The following ACSL1 variants were observed in gnomAD, a reference collection of about 807,000 sequenced individuals.
ACSL1 encodes acyl-CoA synthetase long chain family member 1.
In ACSL1, 41 loss-of-function variants were observed where a neutral mutation model predicts 98.4. The observed-to-expected ratio is 0.42, with a 90% CI of 0.32 to 0.54. The LOEUF is 0.54. Ranked by LOEUF, ACSL1 falls within the 20% of genes least tolerant of loss-of-function variation. The pLI is 0.13. For missense variants in ACSL1, 734 were observed against 883.1 expected (o/e 0.83, Z 2.14); for synonymous variants, 316 against 322.7 (o/e 0.98, Z 0.22).
intron 1 of ACSL1, among the ~76,000 whole-genome samples, chr4:184,817,556 T>C (rs1772736346): frequency 1.3e-5 from 2 of 152,276 alleles, no homozygotes; most frequent in Non-Finnish European, 2.9e-5. Flanking sequence ...TTGCCTGCCT[T>C]GTGTCTCCAT....
rs1031146052 is a variant in ACSL1, at chr4:184,803,569, C to T, written c.-32-23G>A. ...ATTCTGTTGGGAGAGAAAAATGTCA[C>T]GTTCGTTCCAGGGAAGCAGGACCCC... On this transcript the variant is annotated intron_variant, in intron 1 of 20. Coordinates refer to ENST00000281455, the MANE Select transcript of ACSL1 (RefSeq NM_001995.5). The surrounding 1 kb of genome is among the most constrained non-coding windows in gnomAD (Gnocchi z 4.8). The T allele has an allele frequency of 1.9e-5, 27 of 1,397,090 alleles. No individual in the cohort carries two copies. The highest frequency in any genetic ancestry group is 1.0e-4 in the African/African-American group (7 of 68,602). The allele number at this position is 1,397,090 out of a possible 1,614,324, so 86.5% of individuals were successfully genotyped here. A position where few individuals can be genotyped will look rare whatever the true frequency, so the allele number is the denominator to read the frequency against.
chr4:184,801,565 G>C lies in ACSL1; in HGVS notation c.195+1755C>G, dbSNP rs182706225. ...ACAGGATGATGCTAGCTATATCAAAGCATCTGTAATTATTAAGCACCAGAA... is the reference window on the plus strand; with the variant it reads ...ACAGGATGATGCTAGCTATATCAAACCATCTGTAATTATTAAGCACCAGAA... On this transcript the variant is annotated intron_variant, in intron 2 of 20. Coordinates refer to ENST00000281455, the MANE Select transcript of ACSL1 (RefSeq NM_001995.5). 4.6e-5 allele frequency among the ~76,000 whole-genome samples: 7 copies of C among 152,254 alleles called. No individual in the cohort carries two copies. The East Asian group carries it at 7.7e-4, about 17-fold the overall frequency.
chr4:184,809,027 G>A lies in ACSL1; in HGVS notation c.-32-5481C>T, dbSNP rs557363177. 2.3e-4 allele frequency among the ~76,000 whole-genome samples: 35 copies of A among 152,200 alleles called. No homozygotes were observed. In the South Asian group the frequency reaches 6.8e-3, roughly 30 times the overall value. ...CAGTTATTCCCACCCACTGCCTTGT[G>A]GCTTTTTCTTCCCAATTAAGTATAA... On this transcript the variant is annotated intron_variant, in intron 1 of 20. Transcript: ENST00000281455.
At chr4:184,758,263 A>T (rs989641608) in intron 18 of ACSL1, 9 of 183,288 alleles carry the variant, frequency 4.9e-5, no homozygotes, top group East Asian at 4.4e-4. Flanking sequence ...AACTGCTTTT[A>T]AAAAAAAAAG....
At chr4:184,824,187 G>A (rs773007118) in intron 1 of ACSL1, among the ~76,000 whole-genome samples, 5 of 152,124 alleles carry the variant, frequency 3.3e-5, no homozygotes, top group African/African-American at 1.2e-4. Context: ...GTGCAGTGGC[G>A]GGATCTCAGC....
In ACSL1 at chr4:184,786,430, A is replaced by ACACACACACG. The variant is rs57232455; in HGVS notation, c.310+2186_310+2187insCGTGTGTGTG. On this transcript the variant is annotated intron_variant, in intron 3 of 20. Coordinates refer to ENST00000281455, the MANE Select transcript of ACSL1 (RefSeq NM_001995.5). ...TGGTGGTGGCAAAGCACACACACACACACACACACACACACACACACACAC... is the reference window on the plus strand; with the variant it reads ...TGGTGGTGGCAAAGCACACACACACACACACACACGCACACACACACACACACACACACAC... Among the ~76,000 whole-genome samples, 475 of 140,966 alleles carry ACACACACACG rather than the reference A, an allele frequency of 3.4e-3. 2 individuals are homozygous for ACACACACACG. Among genetic ancestry groups the ACACACACACG allele is most frequent in the African/African-American group, 0.011 (446 of 40,206 alleles). The allele number at this position is 140,966 out of a possible 152,430, so 92.5% of individuals were successfully genotyped here. A position where few individuals can be genotyped will look rare whatever the true frequency, so the allele number is the denominator to read the frequency against.
chr4:184,768,039 C>T lies in ACSL1; in HGVS notation c.1128+277G>A, dbSNP rs1763892598. 2 of 474,790 alleles carry T rather than the reference C, an allele frequency of 4.2e-6. 1 individual carries two copies. 29.4% of individuals were successfully genotyped at this position (474,790 alleles called of 1,614,324 possible). A position where few individuals can be genotyped will look rare whatever the true frequency, so the allele number is the denominator to read the frequency against. ...TGTTACACATGAGGAAGCAGAGGCT[C>T]AAAGTGTTTATTGTAAAAATAAAAT... On this transcript the variant is annotated intron_variant, in intron 12 of 20. Coordinates refer to ENST00000281455, the MANE Select transcript of ACSL1 (RefSeq NM_001995.5).
chr4:184,806,951 T>C (rs1229567164), intron 1 of ACSL1, among the ~76,000 whole-genome samples: 1 of 152,240 alleles, frequency 6.6e-6, no homozygotes, highest in African/African-American at 2.4e-5. Flanking sequence ...ATAGCTCATT[T>C]AGATATGTGT....
Position 184,804,407 on chromosome 4 carries a change from C to T in ACSL1, c.-32-861G>A, listed in dbSNP as rs1056209292. On this transcript the variant is annotated intron_variant, in intron 1 of 20. Transcript: ENST00000281455. ...TCAGCCTGGCTAACACGGTGAAACT[C>T]CATCTCTTCAAAAAATACAAAAATT... Among the ~76,000 whole-genome samples the T allele has an allele frequency of 5.6e-4, 85 of 152,018 alleles. 1 individual carries two copies. The highest frequency in any genetic ancestry group is 2.6e-4 in the Non-Finnish European group (18 of 68,010).
At chr4:184,783,158 C>T (rs1433751728) in intron 4 of ACSL1, among the ~76,000 whole-genome samples, 1 of 152,150 alleles carries the variant, frequency 6.6e-6, no homozygotes, top group Non-Finnish European at 1.5e-5. Context: ...GCTGTGGCAC[C>T]CACATTCATT....
chr4:184,802,494 G>C (rs756474476), intron 2 of ACSL1, among the ~76,000 whole-genome samples: 54 of 150,778 alleles, frequency 3.6e-4, no homozygotes, highest in Admixed American at 1.6e-3. Flanking sequence ...TTGGGTAGGG[G>C]AAAGCAAGCG....
At chr4:184,794,280 A>G (rs1263219045) in intron 2 of ACSL1, among the ~76,000 whole-genome samples, 1 of 152,252 alleles carries the variant, frequency 6.6e-6, no homozygotes, top group African/African-American at 2.4e-5. Context: ...CTAGCAGACT[A>G]CATCTTTGAT....
intron 2 of ACSL1, chr4:184,798,757 T>C (rs533397592): frequency 6.6e-6 from 1 of 152,448 alleles, no homozygotes; most frequent in South Asian, 2.1e-4. Context: ...TTGTGATCAC[T>C]GGAGGTGTAG....
chr4:184,768,411 G>A lies in ACSL1; in HGVS notation c.1033C>T (p.Gln345Ter). 6.2e-7 allele frequency: 1 copy of A among 1,613,578 alleles called. No individual in the cohort carries two copies. The highest frequency in any genetic ancestry group is 1.7e-5 in the Admixed American group (1 of 59,848). Residue 345 changes from glutamine to a stop codon, truncating the protein, a stop_gained, in exon 12 of 21, where the codon CAA becomes TAA. Transcript: ENST00000281455. LOFTEE classifies it high-confidence loss of function. ...TCCATGAGCAGCCTGATATCTCCTTGGAAAAATCCGATTTTAGCTCCATGA... is the reference window on the plus strand; with the variant it reads ...TCCATGAGCAGCCTGATATCTCCTTAGAAAAATCCGATTTTAGCTCCATGA... ...LCHGAKIGFF[Q>*]GDIRLLMDDL...
At chr4:184,817,081 G>A (rs1406363060) in intron 1 of ACSL1, among the ~76,000 whole-genome samples, 2 of 152,108 alleles carry the variant, frequency 1.3e-5, no homozygotes, top group African/African-American at 4.8e-5. Flanking sequence ...TAAGTTTTGG[G>A]ACCAGAGACA....
chr4:184,792,885 C>T (rs1768642913), intron 2 of ACSL1, among the ~76,000 whole-genome samples: 1 of 152,180 alleles, frequency 6.6e-6, no homozygotes, highest in South Asian at 2.1e-4. Flanking sequence ...GTAGGTTTTA[C>T]AAGACAGAAT....
At position 184,766,100 on chromosome 4, in the gene ACSL1, C is replaced by T; in HGVS notation, c.1264-114G>A. The stretch of plus-strand genomic sequence containing the variant: ...TTCCCTAACCCATAGCTGCAGACCA[C>T]ACGGAGGCCACACGGAGAACTCACA... On this transcript the variant is annotated intron_variant, in intron 13 of 20. Transcript: ENST00000281455. This position sits in a 1 kb window ranked among gnomAD's most constrained non-coding sequence, Gnocchi z 4.8. 1 of 895,190 alleles carries T rather than the reference C, an allele frequency of 1.1e-6. No individual in the cohort carries two copies. The highest frequency in any genetic ancestry group is 2.6e-5 in the East Asian group (1 of 38,344). 55.5% of individuals were successfully genotyped at this position (895,190 alleles called of 1,614,324 possible). A position where few individuals can be genotyped will look rare whatever the true frequency, so the allele number is the denominator to read the frequency against.
At chr4:184,824,947 G>C (rs1021713979) in intron 1 of ACSL1, among the ~76,000 whole-genome samples, 5 of 152,178 alleles carry the variant, frequency 3.3e-5, no homozygotes, top group Admixed American at 3.3e-4. Context: ...GGCAGAAACT[G>C]CAAGATTTAA....
intron 1 of ACSL1, among the ~76,000 whole-genome samples, chr4:184,822,204 G>A (rs1202279429): frequency 6.6e-6 from 1 of 151,892 alleles, no homozygotes; most frequent in East Asian, 1.9e-4. Flanking sequence ...CTGTTGCCCA[G>A]GCTGGTCTTG....
Sources: gnomAD v4.1 joint callset for allele counts (sites outside exome capture counted in the v4.1 genomes callset) on GRCh38, gnomAD v4.1.1 for gene constraint, Gnocchi (gnomAD v3.1) non-coding constraint, MANE v1.5 for transcripts, NCBI Gene and HGNC (gene_info 2026-07-23, HGNC 2026-07-21) for gene names.